Variants in UNC13C observed in about 807,000 individuals in gnomAD.
UNC13C encodes the protein protein unc-13 homolog C.
A neutral mutation model predicts 245.4 loss-of-function variants in UNC13C; 174 were observed. The observed-to-expected ratio is 0.71, with a 90% CI of 0.63 to 0.80. The LOEUF (loss-of-function observed/expected upper bound fraction) is 0.80, where lower values mean the gene tolerates loss of function less well. Among genes scored for constraint, UNC13C ranks in the 30% least tolerant of loss-of-function variants. The probability of loss-of-function intolerance (pLI) is 0.00; values close to 1 mark genes in which losing one functional copy is unlikely to be tolerated. For missense variants in UNC13C, 2,829 were observed against 2,602.9 expected (o/e 1.09, Z -1.89); for synonymous variants, 992 against 895.1 (o/e 1.11, Z -1.93).
chr15:54,094,217 A>G (rs182919135), intron 2 of UNC13C, among the ~76,000 whole-genome samples: 75 of 152,254 alleles, frequency 4.9e-4, no homozygotes, highest in Non-Finnish European at 8.8e-4. Flanking sequence ...CGTCTCCGCT[A>G]AACTTTCCTT....
intron 19 of UNC13C, among the ~76,000 whole-genome samples, chr15:54,473,450 C>G (rs772751210): frequency 1.4e-4 from 22 of 151,930 alleles, no homozygotes; most frequent in Non-Finnish European, 3.1e-4. Context: ...CTACAACTTT[C>G]TTATTCTTTC....
At chr15:54,371,871 A>C (rs1484024541) in intron 17 of UNC13C, among the ~76,000 whole-genome samples, 1 of 152,148 alleles carries the variant, frequency 6.6e-6, no homozygotes, top group African/African-American at 2.4e-5. Context: ...ATGATCTCAC[A>C]TATTTGTGGA....
intron 19 of UNC13C, among the ~76,000 whole-genome samples, chr15:54,433,713 A>G (rs2040920109): frequency 6.6e-6 from 1 of 152,152 alleles, no homozygotes; most frequent in Non-Finnish European, 1.5e-5. Context: ...TATTCAACGT[A>G]GTATTGGAAG....
chr15:54,117,561 CTCTCTCATTTTCTCTA>C (rs2030349444), intron 2 of UNC13C, among the ~76,000 whole-genome samples: 1 of 147,092 alleles, frequency 6.8e-6, no homozygotes, highest in Non-Finnish European at 1.5e-5. Context: ...CTCTCTCTCT[CTCTCTCATTTTCTCTA>C]TCTCTAGCTC....
chr15:54,049,996 G>A (rs866177752), intron 2 of UNC13C: 2 of 226,304 alleles, frequency 8.8e-6, no homozygotes, highest in Non-Finnish European at 1.8e-5. Context: ...GTGAGACAGA[G>A]TCTCACTCTG....
At chr15:54,230,073 A>C (rs922488980) in intron 4 of UNC13C, among the ~76,000 whole-genome samples, 5 of 152,232 alleles carry the variant, frequency 3.3e-5, no homozygotes, top group Non-Finnish European at 7.3e-5. Context: ...ATAATGTGGC[A>C]ATAAATATAG....
At chr15:54,607,220 A>G (rs2141282360) in intron 30 of UNC13C, among the ~76,000 whole-genome samples, 1 of 152,342 alleles carries the variant, frequency 6.6e-6, no homozygotes, top group East Asian at 1.9e-4. Flanking sequence ...GAAGAGTAGA[A>G]TGAATTTTAA....
intron 30 of UNC13C, among the ~76,000 whole-genome samples, chr15:54,583,300 A>G (rs1898292454): frequency 6.6e-6 from 1 of 151,970 alleles, no homozygotes; most frequent in Non-Finnish European, 1.5e-5. Flanking sequence ...AATGAAAACT[A>G]TTTTTTTTCC....
rs368481162 is a variant in UNC13C, at chr15:54,288,782, C to T, written c.3819-5113C>T. Among the ~76,000 whole-genome samples the T allele has an allele frequency of 9.2e-5, 14 of 152,148 alleles. No individual in the cohort carries two copies. The East Asian group carries it at 2.1e-3, about 23-fold the overall frequency. ...GAGAATTTACTAGGCTTCCAGGAGACGGGCTCTAAGACAATTTTATGAGCA... is the reference window on the plus strand; with the variant it reads ...GAGAATTTACTAGGCTTCCAGGAGATGGGCTCTAAGACAATTTTATGAGCA... On this transcript the variant is annotated intron_variant, in intron 10 of 32. Transcript: ENST00000260323.
At chr15:54,546,869 G>A (rs1896508538) in intron 27 of UNC13C, 24 bp downstream of exon 27, 2 of 1,553,000 alleles carry the variant, frequency 1.3e-6, no homozygotes, top group South Asian at 2.5e-5. Flanking sequence ...GTTTAGTTAT[G>A]CTTTCATTAA....
At chr15:54,547,718 C>G (rs1396466510) in intron 27 of UNC13C, among the ~76,000 whole-genome samples, 3 of 152,084 alleles carry the variant, frequency 2.0e-5, no homozygotes, top group African/African-American at 7.2e-5. Flanking sequence ...ATATAAATTA[C>G]TTTGAGTTTC....
the UNC13C span, among the ~76,000 whole-genome samples, chr15:53,932,223 C>T: frequency 0.15 from 23,500 of 151,930 alleles, 2,167 homozygotes; most frequent in Middle Eastern, 0.23. Flanking sequence ...GCAGGAGAAT[C>T]GCTTGAACCC....
At chr15:54,507,701 T>C (rs562362996) in intron 23 of UNC13C, among the ~76,000 whole-genome samples, 109 of 152,170 alleles carry the variant, frequency 7.2e-4, no homozygotes, top group Middle Eastern at 3.4e-3. Context: ...TATTGCAACT[T>C]AATCAAAGGC....
At chr15:53,937,402 T>C in the UNC13C span, among the ~76,000 whole-genome samples, 12 of 152,192 alleles carry the variant, frequency 7.9e-5, no homozygotes, top group Admixed American at 2.0e-4. Context: ...ACTGAACCTA[T>C]GACTAATTGG....
chr15:54,565,730 TA>T (rs1897483215), intron 29 of UNC13C, among the ~76,000 whole-genome samples: 1 of 152,034 alleles, frequency 6.6e-6, no homozygotes, highest in African/African-American at 2.4e-5. Context: ...CCAAAATAAT[TA>T]ATTTGTATTA....
chr15:54,377,083 C>T (rs2039622513), intron 17 of UNC13C, among the ~76,000 whole-genome samples: 1 of 152,134 alleles, frequency 6.6e-6, no homozygotes, highest in Non-Finnish European at 1.5e-5. Flanking sequence ...AGCCTAGCAG[C>T]CGTCAGGTGC....
At chr15:53,873,896 T>TTTCCTTCCTTCC in the UNC13C span, among the ~76,000 whole-genome samples, 1 of 134,170 alleles carries the variant, frequency 7.5e-6, no homozygotes, top group Non-Finnish European at 1.6e-5. Flanking sequence ...CTTCCTTCTC[T>TTTCCTTCCTTCC]TTCCTTCCTT....
chr15:53,838,290 T>C, the UNC13C span, among the ~76,000 whole-genome samples: 1 of 152,120 alleles, frequency 6.6e-6, no homozygotes, highest in Non-Finnish European at 1.5e-5. Flanking sequence ...AAATCTTTCA[T>C]GCCACTCACT....
intron 31 of UNC13C, among the ~76,000 whole-genome samples, chr15:54,623,586 T>A (rs1341293140): frequency 1.3e-5 from 2 of 152,180 alleles, no homozygotes; most frequent in African/African-American, 4.8e-5. Flanking sequence ...CTAACTAACT[T>A]TTCACCAAAG....
Sources: gnomAD v4.1 joint callset for allele counts (sites outside exome capture counted in the v4.1 genomes callset) on GRCh38, gnomAD v4.1.1 for gene constraint, MANE v1.5 for transcripts, NCBI Gene and HGNC (gene_info 2026-07-23, HGNC 2026-07-21) for gene names.